The following CEP128 variants were observed in gnomAD, a reference collection of about 807,000 sequenced individuals.
CEP128 encodes centrosomal protein 128, also known as centrosomal protein 128kDa.
In CEP128, 132 loss-of-function variants were observed where a neutral mutation model predicts 156.7. That is an observed-to-expected ratio of 0.84 (90% CI 0.73 to 0.97). CEP128 has a LOEUF of 0.97. CEP128 is among the 50% of genes least tolerant of loss of function. The pLI, the probability that CEP128 is intolerant of heterozygous loss-of-function variation, is 0.00. For synonymous variants in CEP128, 469 were observed against 448.9 expected, an observed-to-expected ratio of 1.04 and a Z score of -0.57; for missense variants, 1,252 against 1,281.9, an observed-to-expected ratio of 0.98 and a Z score of 0.36.
intron 19 of CEP128, among the ~76,000 whole-genome samples, chr14:80,618,722 A>G (rs1015934939): frequency 1.3e-5 from 2 of 152,208 alleles, no homozygotes; most frequent in African/African-American, 4.8e-5. Flanking sequence ...TGGAACTGAG[A>G]TTCCTATATG....
intron 2 of CEP128, among the ~76,000 whole-genome samples, chr14:80,919,159 C>T (rs905038895): frequency 2.6e-5 from 4 of 152,222 alleles, no homozygotes; most frequent in South Asian, 2.1e-4. Context: ...AAATAACTGT[C>T]TTTGAGATAA....
intron 19 of CEP128, among the ~76,000 whole-genome samples, chr14:80,682,975 A>AGC (rs1240003413): frequency 6.6e-6 from 1 of 151,978 alleles, no homozygotes; most frequent in East Asian, 1.9e-4. Flanking sequence ...AATGATAGCT[A>AGC]GTTGCCCACC....
At chr14:80,652,780 G>A (rs1485765359) in intron 19 of CEP128, among the ~76,000 whole-genome samples, 1 of 152,136 alleles carries the variant, frequency 6.6e-6, no homozygotes, top group Non-Finnish European at 1.5e-5. Context: ...AGACAGTGTG[G>A]TGATTCCTCA....
In CEP128 at chr14:80,920,411, A is replaced by C. The variant is rs1049727671; in HGVS notation, c.-15-3849T>G. 5.9e-5 allele frequency among the ~76,000 whole-genome samples: 9 copies of C among 152,352 alleles called. No homozygotes were observed. The South Asian group carries it at 1.9e-3, about 32-fold the overall frequency. ...CATGGAGGGCCATGAAAATTCTGAG[A>C]GCCTCTTAATATAACTGACTCAAAA... On this transcript the variant is annotated intron_variant, in intron 2 of 24. Transcript: ENST00000555265.
chr14:80,804,753 A>T (rs796658199), intron 13 of CEP128, among the ~76,000 whole-genome samples: 2 of 152,246 alleles, frequency 1.3e-5, no homozygotes, highest in African/African-American at 4.8e-5. Flanking sequence ...GTGACCAGTT[A>T]ATTGCATTTA....
chr14:80,654,677 T>C (rs1249340584), intron 19 of CEP128, among the ~76,000 whole-genome samples: 1 of 152,210 alleles, frequency 6.6e-6, no homozygotes, highest in African/African-American at 2.4e-5. Context: ...TTTAATGTTC[T>C]TGAAGTATTT....
chr14:80,509,587 G>A (rs1888148861), intron 23 of CEP128, among the ~76,000 whole-genome samples: 1 of 152,144 alleles, frequency 6.6e-6, no homozygotes, highest in Non-Finnish European at 1.5e-5. Flanking sequence ...CATTCTGTGG[G>A]TTGTCTTTTC....
intron 13 of CEP128, among the ~76,000 whole-genome samples, chr14:80,802,688 A>G (rs1693616355): frequency 6.6e-6 from 1 of 152,168 alleles, no homozygotes; most frequent in Non-Finnish European, 1.5e-5. Flanking sequence ...TAAAGAAAAA[A>G]AAAGAAAAGT....
upstream of CEP128, among the ~76,000 whole-genome samples, chr14:80,943,054 A>AGAT (rs1302083149): frequency 6.6e-6 from 1 of 152,256 alleles, no homozygotes; most frequent in Non-Finnish European, 1.5e-5. Context: ...ACAGAGTTTA[A>AGAT]GATAATTCAG....
intron 21 of CEP128, among the ~76,000 whole-genome samples, chr14:80,558,975 T>A (rs574803944): frequency 1.0e-3 from 157 of 152,310 alleles, no homozygotes; most frequent in African/African-American, 3.7e-3. Context: ...GATTGTGAAA[T>A]ACAGTAGAAA....
chr14:80,781,229 G>C (rs908615341), intron 15 of CEP128, among the ~76,000 whole-genome samples: 1 of 152,056 alleles, frequency 6.6e-6, no homozygotes, highest in African/African-American at 2.4e-5. Context: ...AGGCCAAGGT[G>C]GGGGGGATCA....
chr14:80,780,371 T>C (rs1566619971), intron 15 of CEP128, among the ~76,000 whole-genome samples: 1 of 152,154 alleles, frequency 6.6e-6, no homozygotes, highest in Non-Finnish European at 1.5e-5. Flanking sequence ...GATATATTAA[T>C]AAAATGGCAT....
chr14:80,619,367 GACAC>G lies in CEP128; in HGVS notation c.2807-38948_2807-38945del, dbSNP rs34190837. 3.6e-3 allele frequency among the ~76,000 whole-genome samples: 506 copies of G among 139,462 alleles called. 3 individuals are homozygous for G. The highest frequency in any genetic ancestry group is 8.7e-3 in the East Asian group (41 of 4,732). The allele number at this position is 139,462 out of a possible 152,430, so 91.5% of individuals were successfully genotyped here. A position where few individuals can be genotyped will look rare whatever the true frequency, so the allele number is the denominator to read the frequency against. ...GTTTTAAATGATTTAAAGACACACA[GACAC>G]ACACACACACACACACACACACACA... On this transcript the variant is annotated intron_variant, in intron 19 of 24. Transcript: ENST00000555265.
chr14:80,763,173 G>A (rs969168813), intron 16 of CEP128, among the ~76,000 whole-genome samples: 7 of 152,076 alleles, frequency 4.6e-5, no homozygotes, highest in East Asian at 1.9e-4. Flanking sequence ...AATGGCATCC[G>A]GCTAATGAAA....
At chr14:80,739,018 T>C (rs1898674459) in intron 19 of CEP128, among the ~76,000 whole-genome samples, 1 of 152,208 alleles carries the variant, frequency 6.6e-6, no homozygotes, top group Admixed American at 6.5e-5. Context: ...TTTGGCAATC[T>C]GGCTTAAACC....
At chr14:80,906,864 T>G (rs1308148183) in intron 4 of CEP128, among the ~76,000 whole-genome samples, 1 of 152,154 alleles carries the variant, frequency 6.6e-6, no homozygotes, top group African/African-American at 2.4e-5. Flanking sequence ...CACCCTGAAT[T>G]GCTGGGAAAC....
intron 13 of CEP128, among the ~76,000 whole-genome samples, chr14:80,810,296 C>G: frequency 9.0e-6 from 1 of 110,930 alleles, no homozygotes; most frequent in East Asian, 3.1e-4. Context: ...GCACTCCAGC[C>G]TGGGCGACAG....
chr14:80,733,490 G>A lies in CEP128; in HGVS notation c.2806+9585C>T, dbSNP rs1460715465. On this transcript the variant is annotated intron_variant, in intron 19 of 24. Coordinates refer to ENST00000555265, the MANE Select transcript of CEP128 (RefSeq NM_152446.5). The stretch of plus-strand genomic sequence containing the variant: ...AACAGAAAGAGAGGAATGAATATAT[G>A]ACAAACAGCTAAGAAAAACTTTGTA... 2.6e-5 allele frequency among the ~76,000 whole-genome samples: 4 copies of A among 151,936 alleles called. No individual in the cohort carries two copies. The East Asian group carries it at 7.7e-4, about 29-fold the overall frequency.
At chr14:80,600,590 A>G (rs1342815565) in intron 19 of CEP128, among the ~76,000 whole-genome samples, 3 of 152,216 alleles carry the variant, frequency 2.0e-5, no homozygotes, top group Non-Finnish European at 4.4e-5. Context: ...AAATGAAAGT[A>G]CAGTAGACAA....
Sources: allele counts gnomAD v4.1 joint callset (sites outside exome capture counted in the v4.1 genomes callset), GRCh38; gene constraint gnomAD v4.1.1; transcripts MANE v1.5; gene names NCBI Gene and HGNC (gene_info 2026-07-23, HGNC 2026-07-21).